CSMD1: variants seen among roughly 807,000 people sequenced by gnomAD.
The protein encoded by CSMD1 is CUB and sushi domain-containing protein 1.
A neutral mutation model predicts 417.5 loss-of-function variants in CSMD1; 213 were observed. That is an observed-to-expected ratio of 0.51 (90% CI 0.46 to 0.57). CSMD1 has a LOEUF of 0.57. CSMD1 is among the 20% of genes least tolerant of loss of function. The pLI is 0.00. For synonymous variants in CSMD1, 2,862 were observed against 1,736.8 expected, an observed-to-expected ratio of 1.65 and a Z score of -16.11; for missense variants, 6,923 against 4,529.7, an observed-to-expected ratio of 1.53 and a Z score of -15.17.
chr8:4,394,226 G>T (rs1198036636), intron 3 of CSMD1, among the ~76,000 whole-genome samples: 1 of 152,122 alleles, frequency 6.6e-6, no homozygotes, highest in East Asian at 1.9e-4. Context: ...TAGAAAAACA[G>T]TAATTATTTT....
intron 57 of CSMD1, among the ~76,000 whole-genome samples, chr8:2,971,887 A>G (rs1804490091): frequency 6.6e-6 from 1 of 152,308 alleles, no homozygotes; most frequent in Admixed American, 6.5e-5. Context: ...CTTAAGATTT[A>G]TACTACTTTG....
At chr8:4,781,579 G>C (rs554476776) in intron 1 of CSMD1, among the ~76,000 whole-genome samples, 1 of 152,298 alleles carries the variant, frequency 6.6e-6, no homozygotes, top group East Asian at 1.9e-4. Flanking sequence ...GGGTCAATTA[G>C]ATCTTATTTC....
At chr8:4,092,102 T>C (rs1800752949) in intron 3 of CSMD1, among the ~76,000 whole-genome samples, 1 of 152,238 alleles carries the variant, frequency 6.6e-6, no homozygotes, top group African/African-American at 2.4e-5. Flanking sequence ...TAATTCTGAT[T>C]ATTCTTAGAG....
intron 50 of CSMD1, among the ~76,000 whole-genome samples, chr8:3,046,799 C>G (rs763745173): frequency 6.6e-6 from 1 of 152,202 alleles, no homozygotes; most frequent in South Asian, 2.1e-4. Context: ...ATGGCAAATT[C>G]TTTGATACCT....
At chr8:4,942,639 C>T (rs1214383396) in intron 1 of CSMD1, among the ~76,000 whole-genome samples, 2 of 152,098 alleles carry the variant, frequency 1.3e-5, no homozygotes, top group African/African-American at 2.4e-5. Flanking sequence ...CACTTTTCAC[C>T]ATCTATCCAC....
intron 26 of CSMD1, among the ~76,000 whole-genome samples, chr8:3,274,125 G>T (rs1035661517): frequency 6.6e-6 from 1 of 151,704 alleles, no homozygotes; most frequent in Non-Finnish European, 1.5e-5. Flanking sequence ...CTGGTATGTT[G>T]TGTCTTTGTT....
At chr8:4,492,031 C>CAA (rs141077568) in intron 2 of CSMD1, among the ~76,000 whole-genome samples, 21 of 127,714 alleles carry the variant, frequency 1.6e-4, no homozygotes, top group South Asian at 5.5e-4. Flanking sequence ...TATTATTCAG[C>CAA]AAAAAAAAAA....
chr8:4,719,586 C>T (rs958868291), intron 1 of CSMD1, among the ~76,000 whole-genome samples: 3 of 146,378 alleles, frequency 2.0e-5, no homozygotes, highest in Non-Finnish European at 3.0e-5. Flanking sequence ...TCTAAGATAG[C>T]ATAGAACTTT....
chr8:4,129,499 G>A (rs903762833), intron 3 of CSMD1, among the ~76,000 whole-genome samples: 5 of 152,172 alleles, frequency 3.3e-5, no homozygotes, highest in South Asian at 2.1e-4. Flanking sequence ...AAGTCTAGGA[G>A]TAAATGACAT....
chr8:4,472,546 T>A (rs906608411), intron 2 of CSMD1, among the ~76,000 whole-genome samples: 1 of 152,142 alleles, frequency 6.6e-6, no homozygotes, highest in Non-Finnish European at 1.5e-5. Flanking sequence ...TTTAGAATTA[T>A]ATTCCAAAGA....
At chr8:3,650,004 C>T (rs1265110282) in intron 7 of CSMD1, among the ~76,000 whole-genome samples, 1 of 152,036 alleles carries the variant, frequency 6.6e-6, no homozygotes, top group Non-Finnish European at 1.5e-5. Flanking sequence ...TGAGGCTGGG[C>T]CTGGTGGCTC....
chr8:4,886,271 C>G (rs962647270), intron 1 of CSMD1, among the ~76,000 whole-genome samples: 1 of 151,994 alleles, frequency 6.6e-6, no homozygotes, highest in African/African-American at 2.4e-5. Flanking sequence ...ATTTCTGATC[C>G]GTTTTGAGCT....
intron 10 of CSMD1, among the ~76,000 whole-genome samples, chr8:3,498,186 T>C (rs189878445): frequency 6.6e-6 from 1 of 152,214 alleles, no homozygotes; most frequent in African/African-American, 2.4e-5. Context: ...TGGGAGCTTC[T>C]TGCTTATATT....
At chr8:4,041,430 C>A (rs977040730) in intron 3 of CSMD1, among the ~76,000 whole-genome samples, 1 of 152,202 alleles carries the variant, frequency 6.6e-6, no homozygotes, top group Non-Finnish European at 1.5e-5. Context: ...AAAGCAACTT[C>A]TTTCGTGCCT....
intron 18 of CSMD1, among the ~76,000 whole-genome samples, chr8:3,374,641 A>G (rs1374747221): frequency 6.6e-6 from 1 of 152,096 alleles, no homozygotes; most frequent in Non-Finnish European, 1.5e-5. Flanking sequence ...GTATGGAGTA[A>G]GTGATACAAG....
At chr8:3,800,938 G>T (rs529403751) in intron 5 of CSMD1, among the ~76,000 whole-genome samples, 81 of 151,846 alleles carry the variant, frequency 5.3e-4, no homozygotes, top group African/African-American at 1.8e-3. Context: ...AATTTATCCA[G>T]CCCCAAATAT....
At chr8:3,214,409 G>A (rs554725485) in intron 30 of CSMD1, 88 bp downstream of exon 30, 34 of 1,099,282 alleles carry the variant, frequency 3.1e-5, no homozygotes, top group African/African-American at 3.2e-5. Flanking sequence ...AGAGGAATAC[G>A]TGTTGAAATG....
intron 8 of CSMD1, among the ~76,000 whole-genome samples, chr8:3,611,251 A>T (rs199756109): frequency 5.5e-5 from 1 of 18,244 alleles, no homozygotes; most frequent in African/African-American, 1.2e-4. Context: ...AAGTTAAATT[A>T]AAAAAAAAAA....
intron 1 of CSMD1, among the ~76,000 whole-genome samples, chr8:4,706,919 G>T (rs1016159709): frequency 6.6e-6 from 1 of 152,210 alleles, no homozygotes; most frequent in African/African-American, 2.4e-5. Flanking sequence ...TCTGATTCAT[G>T]AAACTATGAG....
Sources: gnomAD v4.1 joint callset for allele counts (sites outside exome capture counted in the v4.1 genomes callset) on GRCh38, gnomAD v4.1.1 for gene constraint, MANE v1.5 for transcripts, NCBI Gene and HGNC (gene_info 2026-07-23, HGNC 2026-07-21) for gene names.